The following SNX13 variants were observed in gnomAD, a reference collection of about 807,000 sequenced individuals.
The protein encoded by SNX13 is sorting nexin-13.
A neutral mutation model predicts 133.6 loss-of-function variants in SNX13; 45 were observed. The observed-to-expected ratio is 0.34, with a 90% CI of 0.27 to 0.43. SNX13 has a LOEUF of 0.43. SNX13 is among the 20% of genes least tolerant of loss of function. The probability of loss-of-function intolerance (pLI) is 1.00; values close to 1 mark genes in which losing one functional copy is unlikely to be tolerated. For missense variants in SNX13, 1,032 were observed against 1,145.1 expected (o/e 0.90, Z 1.43); for synonymous variants, 414 against 373.9 (o/e 1.11, Z -1.24).
chr7:17,884,725 A>G (rs1051926503), intron 5 of SNX13, among the ~76,000 whole-genome samples: 26 of 152,202 alleles, frequency 1.7e-4, no homozygotes, highest in African/African-American at 5.8e-4. Flanking sequence ...AACAAATCAC[A>G]TATCTATAGA....
At chr7:17,887,684 C>T (rs1165709950) in intron 5 of SNX13, among the ~76,000 whole-genome samples, 2 of 152,142 alleles carry the variant, frequency 1.3e-5, no homozygotes, top group Admixed American at 6.5e-5. Context: ...TCAAAACATA[C>T]ATTATTTTCT....
chr7:17,917,646 G>A (rs1799705660), intron 1 of SNX13, among the ~76,000 whole-genome samples: 2 of 151,136 alleles, frequency 1.3e-5, no homozygotes, highest in African/African-American at 4.9e-5. Flanking sequence ...ATATGTCAGA[G>A]AAGACACAAA....
rs1796498583 is a variant in SNX13, at chr7:17,890,399, T to C, written c.404A>G (p.Gln135Arg). Residue 135 changes from glutamine to arginine, a missense_variant, in exon 5 of 26, where the codon CAG (glutamine) becomes CGG (arginine). Gln to Arg is a conservative substitution (Grantham distance 43). Coordinates refer to ENST00000428135, the MANE Select transcript of SNX13 (RefSeq NM_015132.5). ...DDESFLLEIRQTLQNALIQFA... is the reference protein window; with the variant it reads ...DDESFLLEIRRTLQNALIQFA... ...CTGAATGAGTGCGTTTTGAAGAGTC[T>C]GCCTAATTTCAAGAAGAAAAGATTC... 6.2e-7 allele frequency: 1 copy of C among 1,611,392 alleles called. No homozygotes were observed. Among genetic ancestry groups the C allele is most frequent in the Non-Finnish European group, 8.5e-7 (1 of 1,178,472 alleles).
chr7:17,935,145 TGAA>T (rs2128052648), intron 1 of SNX13, among the ~76,000 whole-genome samples: 1 of 152,114 alleles, frequency 6.6e-6, no homozygotes, highest in East Asian at 1.9e-4. Flanking sequence ...GATAAACAGA[TGAA>T]GAAAAGGTGG....
chr7:17,794,345 TA>T, intron 25 of SNX13, 53 bp from the exon 26 acceptor site: 2 of 1,556,746 alleles, frequency 1.3e-6, no homozygotes, highest in South Asian at 2.5e-5. Context: ...ACACAAGGCC[TA>T]AACTCTTAAA....
At position 17,875,587 on chromosome 7, in the gene SNX13, GAAA is replaced by G. The variant is rs1562823873; in HGVS notation, c.563-9_563-7del. 1 of 1,609,218 alleles carries G rather than the reference GAAA, an allele frequency of 6.2e-7. No homozygotes were observed. The highest frequency in any genetic ancestry group is 1.3e-5 in the African/African-American group (1 of 74,106). Reference sequence around the variant, plus strand: ...TACAAGATCTTCTGCTGTACCTAAAGAAAAACAATTCAAGATATATAAAATGAT... The same window carrying G: ...TACAAGATCTTCTGCTGTACCTAAAGAACAATTCAAGATATATAAAATGAT... On this transcript the variant is annotated splice_region_variant and splice_polypyrimidine_tract_variant and intron_variant, in intron 6 of 25. Coordinates refer to ENST00000428135, the MANE Select transcript of SNX13 (RefSeq NM_015132.5).
chr7:17,872,132 T>C (rs74750411), intron 8 of SNX13, among the ~76,000 whole-genome samples: 1 of 152,262 alleles, frequency 6.6e-6, no homozygotes, highest in East Asian at 1.9e-4. Flanking sequence ...TTCAAACGCA[T>C]TAGCATTTGG....
chr7:17,912,832 G>T (rs1023214229), intron 1 of SNX13, among the ~76,000 whole-genome samples: 1 of 152,172 alleles, frequency 6.6e-6, no homozygotes, highest in Non-Finnish European at 1.5e-5. Flanking sequence ...GCCCTGGAGT[G>T]GGGAAAGGAC....
At chr7:17,881,237 AAC>A (rs58667084) in intron 5 of SNX13, 17,271 of 148,204 alleles carry the variant, frequency 0.12, 1,103 homozygotes, top group African/African-American at 0.16. Context: ...CTATATGTAC[AAC>A]ACACACACAC....
intron 20 of SNX13, among the ~76,000 whole-genome samples, chr7:17,814,533 T>A (rs1474857504): frequency 6.6e-6 from 1 of 152,132 alleles, no homozygotes; most frequent in South Asian, 2.1e-4. Flanking sequence ...TCTCTCAGAA[T>A]GAAACATTTC....
At chr7:17,796,099 T>C (rs555918414) in intron 25 of SNX13, 1 of 151,774 alleles carries the variant, frequency 6.6e-6, no homozygotes, top group South Asian at 2.1e-4. Context: ...TTTTCAAAGA[T>C]ACTCATTAAC....
chr7:17,897,944 T>C (rs1018583953), intron 1 of SNX13: 12 of 152,012 alleles, frequency 7.9e-5, no homozygotes, highest in African/African-American at 1.4e-4. Flanking sequence ...AATTATCTCA[T>C]TGAAAATTGT....
chr7:17,818,518 C>A (rs987627947), intron 18 of SNX13, among the ~76,000 whole-genome samples: 4 of 152,112 alleles, frequency 2.6e-5, no homozygotes, highest in African/African-American at 9.7e-5. Context: ...TATATTAACT[C>A]ATCATAAACT....
In SNX13 at chr7:17,839,994, A is replaced by G. The variant is rs1220533845; in HGVS notation, c.1172T>C (p.Met391Thr). The change falls in exon 13 of 26, where the codon ATG becomes ACG. Residue 391 changes from methionine to threonine, a missense_variant. Transcript: ENST00000428135. ...NVALQFFMDY[M>T]QQTGGQAHLF... ...ATGTGCTTGACCTCCAGTTTGCTGC[A>G]TGTAATCTAGCAATCAAAAATCCAT... is the stretch of plus-strand genomic sequence containing the variant. The G allele has an allele frequency of 2.5e-6, 4 of 1,607,444 alleles. No homozygotes were observed. The South Asian group carries it at 4.4e-5, about 18-fold the overall frequency.
chr7:17,913,760 CAAAAAAA>C (rs71010278), intron 1 of SNX13, among the ~76,000 whole-genome samples: 48 of 54,100 alleles, frequency 8.9e-4, no homozygotes, highest in African/African-American at 3.6e-3. Context: ...TTAACAAAAA[CAAAAAAA>C]AAAAAAAAAA....
chr7:17,834,303 T>C (rs1462262266), intron 14 of SNX13, 119 bp from the exon 15 acceptor site: 2 of 844,898 alleles, frequency 2.4e-6, no homozygotes, highest in Middle Eastern at 3.9e-4. Context: ...AGTTACAAGC[T>C]GTCAGCAATA....
chr7:17,807,026 C>T (rs963520281), intron 20 of SNX13, among the ~76,000 whole-genome samples: 5 of 152,152 alleles, frequency 3.3e-5, no homozygotes, highest in Non-Finnish European at 7.4e-5. Flanking sequence ...CAAAACTGGG[C>T]GGCCGTTTGG....
chr7:17,863,201 C>T (rs559401857), intron 9 of SNX13, among the ~76,000 whole-genome samples: 105 of 150,952 alleles, frequency 7.0e-4, no homozygotes, highest in African/African-American at 2.4e-3. Flanking sequence ...GCTTCACTTG[C>T]GCTGACTGAC....
chr7:17,837,547 G>A (rs1789284180), intron 13 of SNX13, among the ~76,000 whole-genome samples: 1 of 151,876 alleles, frequency 6.6e-6, no homozygotes, highest in African/African-American at 2.4e-5. Context: ...TCCAAAAAAA[G>A]TCCAAAAACC....
Sources: allele counts gnomAD v4.1 joint callset (sites outside exome capture counted in the v4.1 genomes callset), GRCh38; gene constraint gnomAD v4.1.1; transcripts MANE v1.5; gene names NCBI Gene and HGNC (gene_info 2026-07-23, HGNC 2026-07-21).